The following SYT16 variants were observed in gnomAD, a reference collection of about 807,000 sequenced individuals.
SYT16 encodes the protein synaptotagmin-16.
A neutral mutation model predicts 61.4 loss-of-function variants in SYT16; 42 were observed. That is an observed-to-expected ratio of 0.68 (90% CI 0.53 to 0.89). SYT16 has a LOEUF of 0.89. Among genes scored for constraint, SYT16 ranks in the 40% least tolerant of loss-of-function variants. SYT16 has a pLI of 0.00. For synonymous variants in SYT16, 314 were observed against 302.3 expected (o/e 1.04, Z -0.40); for missense variants, 804 against 807.3 (o/e 1.00, Z 0.05).
rs144779456 is a variant in SYT16 at position 62,016,729 on chromosome 14, A to G, written c.523+20187A>G. On this transcript the variant is annotated intron_variant, in intron 3 of 7. Coordinates refer to ENST00000683842, the MANE Select transcript of SYT16 (RefSeq NM_001367656.1). Reference sequence around the variant, plus strand: ...CTCTGTCTCAAAAAAGAAAAAAAATAAAGTTATGGCATTGCTTATAATGGG... The same window carrying G: ...CTCTGTCTCAAAAAAGAAAAAAAATGAAGTTATGGCATTGCTTATAATGGG... Among the ~76,000 whole-genome samples, 1,051 of 152,160 alleles carry G rather than the reference A, an allele frequency of 6.9e-3. 7 individuals are homozygous for G. The highest frequency in any genetic ancestry group is 0.021 in the Middle Eastern group (6 of 292).
intron 1 of SYT16, among the ~76,000 whole-genome samples, chr14:61,847,168 A>G (rs1038491873): frequency 1.3e-5 from 2 of 152,032 alleles, no homozygotes; most frequent in Non-Finnish European, 2.9e-5. Context: ...ATGATTTCTT[A>G]TTGTTCATTA....
rs1566850387 is a variant in SYT16 at position 62,100,622 on chromosome 14, GAGAGGAGGAACA to G, written c.1857_1868del (p.Glu619_Gln622del). 1.2e-6 allele frequency: 2 copies of G among 1,613,750 alleles called. No homozygotes were observed. Among genetic ancestry groups the G allele is most frequent in the South Asian group, 2.2e-5 (2 of 91,068 alleles). On this transcript the variant is annotated inframe_deletion, in exon 8 of 8. Transcript: ENST00000683842. ...ATTGCCCTGGGCCAGAACAGCAGTG[GAGAGGAGGAACA>G]AGATCACTGGGAGGAGATGAAGGAA...
chr14:61,991,841 A>G (rs2052562210), intron 2 of SYT16, among the ~76,000 whole-genome samples: 1 of 152,224 alleles, frequency 6.6e-6, no homozygotes, highest in South Asian at 2.1e-4. Context: ...ATTTAAGAGC[A>G]GAAAGGGTGT....
At chr14:61,970,455 A>G (rs1231312630) in intron 2 of SYT16, 144 bp downstream of exon 2, 1 of 152,224 alleles carries the variant, frequency 6.6e-6, no homozygotes, top group Non-Finnish European at 1.5e-5. Context: ...GCAGATGGGA[A>G]GAGGCTCTGA....
At chr14:61,994,251 G>A (rs2140622495) in intron 2 of SYT16, among the ~76,000 whole-genome samples, 1 of 152,298 alleles carries the variant, frequency 6.6e-6, no homozygotes, top group South Asian at 2.1e-4. Context: ...TGATACACTA[G>A]GTTTGGATGA....
intron 1 of SYT16, among the ~76,000 whole-genome samples, chr14:61,928,246 T>C (rs1025902343): frequency 6.6e-6 from 1 of 152,140 alleles, no homozygotes; most frequent in Non-Finnish European, 1.5e-5. Context: ...GGATGTTGAC[T>C]GGAGCTGCAG....
chr14:61,818,689 A>C (rs1002398956), intron 1 of SYT16, among the ~76,000 whole-genome samples: 11 of 152,176 alleles, frequency 7.2e-5, no homozygotes, highest in South Asian at 2.1e-4. Flanking sequence ...AAAAAAAAAA[A>C]AAAAAACAGC....
intron 1 of SYT16, among the ~76,000 whole-genome samples, chr14:61,816,637 T>C (rs2045435440): frequency 6.6e-6 from 1 of 152,142 alleles, no homozygotes; most frequent in Non-Finnish European, 1.5e-5. Flanking sequence ...TTATTTACAT[T>C]GTTAAAGAAT....
At chr14:62,064,550 A>T (rs2055976190) in intron 3 of SYT16, among the ~76,000 whole-genome samples, 1 of 152,086 alleles carries the variant, frequency 6.6e-6, no homozygotes, top group South Asian at 2.1e-4. Flanking sequence ...ATGTGATTTT[A>T]TTTTTCTGGT....
At chr14:62,017,856 G>A (rs192707392) in intron 3 of SYT16, among the ~76,000 whole-genome samples, 16 of 152,044 alleles carry the variant, frequency 1.1e-4, no homozygotes, top group Admixed American at 2.6e-4. Flanking sequence ...TAGGACTACA[G>A]GTGCACACCA....
chr14:61,972,939 G>A lies in SYT16; in HGVS notation c.-145+2628G>A, dbSNP rs866198705. On this transcript the variant is annotated intron_variant, in intron 2 of 7. Transcript: ENST00000683842. ...CTGTTTGGTTCTTAGGGTTACCATA[G>A]CAACTTCTTCTCTAGCTTTCAGTCT... Among the ~76,000 whole-genome samples, 5 of 152,214 alleles carry A rather than the reference G, an allele frequency of 3.3e-5. No individual in the cohort carries two copies. The South Asian group carries it at 8.3e-4, about 25-fold the overall frequency.
At chr14:61,944,533 G>A (rs2050340857) in intron 1 of SYT16, among the ~76,000 whole-genome samples, 2 of 152,152 alleles carry the variant, frequency 1.3e-5, no homozygotes, top group South Asian at 4.2e-4. Flanking sequence ...TAGCAAAACA[G>A]AGATATAGAC....
chr14:61,829,892 G>A (rs1047449595), intron 1 of SYT16, among the ~76,000 whole-genome samples: 6 of 152,056 alleles, frequency 3.9e-5, no homozygotes, highest in African/African-American at 1.4e-4. Context: ...CTGACCTCGT[G>A]ATCCACCTGC....
Position 62,103,184 on chromosome 14 carries a change from T to G in SYT16, c.*2477T>G, listed in dbSNP as rs1417428257. The G allele has an allele frequency of 1.3e-5, 2 of 152,212 alleles. No homozygotes were observed. Among genetic ancestry groups the G allele is most frequent in the Non-Finnish European group, 2.9e-5 (2 of 68,026 alleles). The allele number at this position is 152,212 out of a possible 1,614,324, so 9.4% of individuals were successfully genotyped here. A position where few individuals can be genotyped will look rare whatever the true frequency, so the allele number is the denominator to read the frequency against. On this transcript the variant is annotated 3_prime_UTR_variant, in exon 8 of 8. Transcript: ENST00000683842. ...ATCTTTTGATTTTGTGCACTTAAAC[T>G]CCCTTATTTTCTTGGCAAAGTCTAG...
At chr14:61,838,501 C>A (rs139812395) in intron 1 of SYT16, among the ~76,000 whole-genome samples, 157 of 152,248 alleles carry the variant, frequency 1.0e-3, no homozygotes, top group African/African-American at 3.5e-3. Context: ...AAGAGCTCCC[C>A]CAGCTCCCAC....
rs188218979 is a variant in SYT16, at chr14:61,894,326, C to T, written c.-324-75806C>T. On this transcript the variant is annotated intron_variant, in intron 1 of 7. Transcript: ENST00000683842. ...AAAAAAAGCCTGTTCATTAGGTTCT[C>T]GGTTCTCTCTCCGTACCCACCCCCT... is the stretch of plus-strand genomic sequence containing the variant. 9.2e-5 allele frequency among the ~76,000 whole-genome samples: 14 copies of T among 151,416 alleles called. No individual in the cohort carries two copies. The East Asian group carries it at 1.7e-3, about 19-fold the overall frequency.
intron 4 of SYT16, among the ~76,000 whole-genome samples, chr14:62,072,046 T>C (rs944373447): frequency 6.6e-6 from 1 of 152,230 alleles, no homozygotes; most frequent in Non-Finnish European, 1.5e-5. Context: ...AGAGGGTTTT[T>C]GGTCTAAGTG....
Position 61,928,017 on chromosome 14 carries a change from T to C in SYT16, c.-324-42115T>C, listed in dbSNP as rs376916818. Among the ~76,000 whole-genome samples, 321 of 152,328 alleles carry C rather than the reference T, an allele frequency of 2.1e-3. 2 individuals carry two copies. The highest frequency in any genetic ancestry group is 7.0e-3 in the African/African-American group (292 of 41,582). On this transcript the variant is annotated intron_variant, in intron 1 of 7. Coordinates refer to ENST00000683842, the MANE Select transcript of SYT16 (RefSeq NM_001367656.1). ...AGTCCTCAGGCTAACTTTGATATTC[T>C]GAGGGAAGGGGCTAGTTTACTTTGA...
chr14:62,052,165 G>A (rs1954482), intron 3 of SYT16, among the ~76,000 whole-genome samples: 68,682 of 151,816 alleles, frequency 0.45, 18,752 homozygotes, highest in African/African-American at 0.78. Flanking sequence ...TATCATATTA[G>A]TTTTTCAATC....
Sources: allele counts gnomAD v4.1 joint callset (sites outside exome capture counted in the v4.1 genomes callset), GRCh38; gene constraint gnomAD v4.1.1; transcripts MANE v1.5; gene names NCBI Gene and HGNC (gene_info 2026-07-23, HGNC 2026-07-21).